The following ERMAP variants were observed in gnomAD, a reference collection of about 807,000 sequenced individuals.
ERMAP encodes erythroblast membrane associated protein (Scianna blood group).
In ERMAP, 34 loss-of-function variants were observed where a neutral mutation model predicts 49.5. The observed-to-expected ratio is 0.69, with a 90% CI of 0.52 to 0.91. The LOEUF (loss-of-function observed/expected upper bound fraction) is 0.91. Ranked by LOEUF, ERMAP falls within the 40% of genes least tolerant of loss-of-function variation. The pLI, the probability that ERMAP is intolerant of heterozygous loss-of-function variation, is 0.00. For synonymous variants in ERMAP, 214 were observed against 232.2 expected (o/e 0.92, Z 0.71); for missense variants, 541 against 582.6 (o/e 0.93, Z 0.74).
At chr1:42,822,783 C>T (rs981375815) in intron 1 of ERMAP, among the ~76,000 whole-genome samples, 13 of 152,194 alleles carry the variant, frequency 8.5e-5, no homozygotes, top group Non-Finnish European at 1.8e-4. Flanking sequence ...CCCTCTCCAG[C>T]CTCTAGTAAC....
At position 42,843,091 on chromosome 1, in the gene ERMAP, A is replaced by G. The variant is rs751012480; in HGVS notation, c.1287A>G (p.Lys429=). The G allele has an allele frequency of 6.8e-6, 11 of 1,614,134 alleles. No individual in the cohort carries two copies. The highest frequency in any genetic ancestry group is 2.7e-5 in the African/African-American group (2 of 74,950). Residue 429 remains lysine, a synonymous_variant, in exon 12 of 12, where the codon AAA becomes AAG. Transcript: ENST00000372517. ...CAATTGTCCCCAGGCCAGAAGGGAA[A>G]GGCCATGCTAATGGAGATGTGTCCC... ...EESIVPRPEG[K]GHANGDVSLK...
At chr1:42,836,205 C>T (rs946493556) in intron 6 of ERMAP, among the ~76,000 whole-genome samples, 8 of 152,004 alleles carry the variant, frequency 5.3e-5, no homozygotes, top group African/African-American at 1.9e-4. Context: ...TAAATGTGTA[C>T]AAAAGCTACA....
intron 1 of ERMAP, among the ~76,000 whole-genome samples, chr1:42,823,343 T>C (rs1654450382): frequency 6.6e-6 from 1 of 152,220 alleles, no homozygotes; most frequent in Admixed American, 6.5e-5. Context: ...CTTCTAAATG[T>C]TGACACATTT....
At chr1:42,822,381 G>A (rs188108441) in intron 1 of ERMAP, among the ~76,000 whole-genome samples, 177 of 152,036 alleles carry the variant, frequency 1.2e-3, no homozygotes, top group African/African-American at 3.4e-3. Context: ...ACAGGATTTC[G>A]CAATGTTGGC....
At chr1:42,821,639 G>A (rs112211445) in intron 1 of ERMAP, among the ~76,000 whole-genome samples, 1,599 of 152,206 alleles carry the variant, frequency 0.011, 15 homozygotes, top group African/African-American at 0.036. Flanking sequence ...TCTGAGAAAC[G>A]CTTTACATTT....
At chr1:42,834,844 C>T (rs549457323) in intron 4 of ERMAP, 194 bp from the exon 5 acceptor site, 9 of 520,406 alleles carry the variant, frequency 1.7e-5, no homozygotes, top group African/African-American at 3.8e-5. Context: ...CGTGAGCCAC[C>T]GTTCCCAGCC....
At position 42,830,009 on chromosome 1, in the gene ERMAP, G is replaced by C. The variant is rs188578720; in HGVS notation, c.-5-435G>C. The C allele has an allele frequency of 2.4e-5, 4 of 163,514 alleles. No homozygotes were observed. The East Asian group carries it at 7.0e-4, about 28-fold the overall frequency. 10.1% of individuals were successfully genotyped at this position (163,514 alleles called of 1,614,324 possible). A position where few individuals can be genotyped will look rare whatever the true frequency, so the allele number is the denominator to read the frequency against. ...CCAGGCTGCATCTTGGGCAAAGATTGGCTTGAAACAGGCATTTCCCAAGCC... is the reference window on the plus strand; with the variant it reads ...CCAGGCTGCATCTTGGGCAAAGATTCGCTTGAAACAGGCATTTCCCAAGCC... On this transcript the variant is annotated intron_variant, in intron 2 of 11. Coordinates refer to ENST00000372517, the MANE Select transcript of ERMAP (RefSeq NM_001017922.2).
At position 42,830,761 on chromosome 1, in the gene ERMAP, T is replaced by G; in HGVS notation, c.86-7T>G. On this transcript the variant is annotated splice_polypyrimidine_tract_variant and splice_region_variant and intron_variant, in intron 3 of 11. Coordinates refer to ENST00000372517, the MANE Select transcript of ERMAP (RefSeq NM_001017922.2). ...TCCCAGTTGGCCTTGTCTCTTTTTT[T>G]GTCCAGGCCACGCAGGGGATGCCGG... is the stretch of plus-strand genomic sequence containing the variant. 6.6e-7 allele frequency: 1 copy of G among 1,520,940 alleles called. No individual in the cohort carries two copies. Among genetic ancestry groups the G allele is most frequent in the South Asian group, 1.2e-5 (1 of 80,780 alleles). 94.2% of individuals were successfully genotyped at this position (1,520,940 alleles called of 1,614,324 possible). A position where few individuals can be genotyped will look rare whatever the true frequency, so the allele number is the denominator to read the frequency against.
chr1:42,826,182 G>A (rs541768154), intron 2 of ERMAP, among the ~76,000 whole-genome samples: 20 of 152,242 alleles, frequency 1.3e-4, no homozygotes, highest in Non-Finnish European at 2.1e-4. Context: ...AACATGTGTA[G>A]TGGAAAAAAA....
chr1:42,842,166 C>T (rs1032107826), intron 11 of ERMAP, among the ~76,000 whole-genome samples: 5 of 152,186 alleles, frequency 3.3e-5, no homozygotes, highest in Non-Finnish European at 1.5e-5. Flanking sequence ...ACACTTCCCA[C>T]TAAGCCCTAC....
At chr1:42,821,435 C>T (rs1024449893) in intron 1 of ERMAP, among the ~76,000 whole-genome samples, 1 of 152,168 alleles carries the variant, frequency 6.6e-6, no homozygotes, top group African/African-American at 2.4e-5. Flanking sequence ...TTTTCTCACT[C>T]ATAGAGTTAG....
chr1:42,840,384 A>G, intron 11 of ERMAP, 88 bp downstream of exon 11: 1 of 1,512,118 alleles, frequency 6.6e-7, no homozygotes, highest in Non-Finnish European at 9.1e-7. Flanking sequence ...ATTCCTCTGG[A>G]ATGCAGGTAA....
chr1:42,828,799 A>G (rs1463983043), intron 2 of ERMAP, among the ~76,000 whole-genome samples: 1 of 152,050 alleles, frequency 6.6e-6, no homozygotes, highest in Non-Finnish European at 1.5e-5. Context: ...TGCCCAGCCT[A>G]GAGCTCACCC....
chr1:42,828,021 A>G (rs983218290), intron 2 of ERMAP, among the ~76,000 whole-genome samples: 1 of 152,104 alleles, frequency 6.6e-6, no homozygotes, highest in Non-Finnish European at 1.5e-5. Flanking sequence ...GAGCAATATC[A>G]TAATTAGAAA....
chr1:42,817,343 C>T (rs993627829), intron 1 of ERMAP, 90 bp downstream of exon 1: 2 of 900,362 alleles, frequency 2.2e-6, no homozygotes, highest in Non-Finnish European at 2.8e-6. Context: ...GGGGGAGGGG[C>T]GCAGGGCCGA....
chr1:42,818,189 C>G (rs1654298705), intron 1 of ERMAP, among the ~76,000 whole-genome samples: 1 of 152,258 alleles, frequency 6.6e-6, no homozygotes, highest in Non-Finnish European at 1.5e-5. Context: ...CAGATGGACA[C>G]ACGCTTCCAG....
intron 6 of ERMAP, among the ~76,000 whole-genome samples, chr1:42,836,272 G>C (rs1490789913): frequency 2.0e-5 from 3 of 152,204 alleles, no homozygotes; most frequent in African/African-American, 4.8e-5. Flanking sequence ...CCAAGCTTGA[G>C]GGTTGAGGGT....
intron 3 of ERMAP, 63 bp from the exon 4 acceptor site, chr1:42,830,705 C>A: frequency 6.9e-7 from 1 of 1,458,712 alleles, no homozygotes; most frequent in South Asian, 1.4e-5. Flanking sequence ...TCCTCTTCCT[C>A]ATCCCTTCCC....
intron 6 of ERMAP, 142 bp from the exon 7 acceptor site, chr1:42,837,016 T>G: frequency 7.9e-6 from 6 of 758,468 alleles, no homozygotes; most frequent in East Asian, 2.6e-5. Flanking sequence ...GTTGTCCAGG[T>G]GAGAGTTGAT....
Sources: gnomAD v4.1 joint callset for allele counts (sites outside exome capture counted in the v4.1 genomes callset) on GRCh38, gnomAD v4.1.1 for gene constraint, MANE v1.5 for transcripts, NCBI Gene and HGNC (gene_info 2026-07-23, HGNC 2026-07-21) for gene names.